Variants in ELMO3 observed in about 807,000 individuals in gnomAD.
ELMO3 encodes the protein engulfment and cell motility protein 3.
In ELMO3, 81 loss-of-function variants were observed where a neutral mutation model predicts 89.0. That is an observed-to-expected ratio of 0.91 (90% CI 0.76 to 1.09). ELMO3 has a LOEUF of 1.09. ELMO3 is among the 50% of genes least tolerant of loss of function. The probability of loss-of-function intolerance (pLI) is 0.00; values close to 1 mark genes in which losing one functional copy is unlikely to be tolerated. For synonymous variants in ELMO3, 406 were observed against 400.6 expected (o/e 1.01, Z -0.16); for missense variants, 959 against 972.8 (o/e 0.99, Z 0.19).
At position 67,199,316 on chromosome 16, in the gene ELMO3, C is replaced by T. The variant is rs749597514; in HGVS notation, c.-11C>T. ...TCCGGAAAGTGCAGGCGCCCACGTCCCAGCTGGACCATGGCGCCTCCGCGG... is the reference window on the plus strand; with the variant it reads ...TCCGGAAAGTGCAGGCGCCCACGTCTCAGCTGGACCATGGCGCCTCCGCGG... On this transcript the variant is annotated 5_prime_UTR_variant, in exon 1 of 20. Transcript: ENST00000393997. 5.0e-6 allele frequency: 8 copies of T among 1,612,208 alleles called. No individual in the cohort carries two copies. The African/African-American group carries it at 1.1e-4, about 22-fold the overall frequency.
rs375057170 is a variant in ELMO3, at chr16:67,202,275, G to A, written c.1252G>A (p.Gly418Arg). Residue 418 changes from glycine to arginine, a missense_variant, in exon 13 of 20, where the codon GGG becomes AGG. Transcript: ENST00000393997. ...GCTGCTGTGTGAGCTGCTCCGTGTT[G>A]GGGAGCCCTGTGAGTGGCCTGGACT... is the stretch of plus-strand genomic sequence containing the variant. ...TVLLCELLRV[G>R]EPCSETAQDF... The A allele has an allele frequency of 2.0e-5, 32 of 1,608,952 alleles. No individual in the cohort carries two copies. In the African/African-American group the frequency reaches 2.0e-4, roughly 10 times the overall value.
intron 10 of ELMO3, 31 bp from the exon 11 acceptor site, chr16:67,201,711 C>T: frequency 6.2e-7 from 1 of 1,607,698 alleles, no homozygotes. Context: ...TAATCTTGAT[C>T]CCCTCCCCCG....
rs181118068 is a variant in ELMO3 at position 67,203,176 on chromosome 16, T to C, written c.1733T>C (p.Met578Thr). 4 of 1,611,832 alleles carry C rather than the reference T, an allele frequency of 2.5e-6. No homozygotes were observed. Among genetic ancestry groups the C allele is most frequent in the Admixed American group, 1.7e-5 (1 of 59,956 alleles). Residue 578 changes from methionine to threonine, a missense_variant, in exon 17 of 20, where the codon ATG (methionine) becomes ACG (threonine). By Grantham distance (81) the Met-to-Thr change is moderately conservative. Transcript: ENST00000393997. The surrounding 1 kb of genome is among the most constrained non-coding windows in gnomAD (Gnocchi z 4.6). ...CACAAGCTGCTGCAGTACGGAGACA[T>C]GGAGGAGGGCGCCAGCCCGCCTACC... ...PNHKLLQYGD[M>T]EEGASPPTLE...
rs973161117 is a variant in ELMO3, at chr16:67,201,619, A to G, written c.895A>G (p.Thr299Ala). 1.9e-6 allele frequency: 3 copies of G among 1,613,058 alleles called. No individual in the cohort carries two copies. The highest frequency in any genetic ancestry group is 2.7e-5 in the African/African-American group (2 of 74,912). The stretch of plus-strand genomic sequence containing the variant: ...GGGGCTGCTGGAGCCGCGCATGCGG[A>G]CGCCCCTGGACCCCTACAGCCAGGT... ...MLGLLEPRMR[T>A]PLDPYSQEQR... Residue 299 changes from threonine to alanine, a missense_variant, in exon 10 of 20, where the codon ACG becomes GCG. Physicochemically the swap from Thr to Ala is moderately conservative, Grantham distance 58 (BLOSUM62 0). Coordinates refer to ENST00000393997, the MANE Select transcript of ELMO3 (RefSeq NM_024712.5).
At chr16:67,201,212 ATTTTTTTTT>A (rs753596419) in intron 8 of ELMO3, among the ~76,000 whole-genome samples, 164 bp from the exon 9 acceptor site, 2 of 94,262 alleles carry the variant, frequency 2.1e-5, no homozygotes, top group Non-Finnish European at 2.0e-5. Context: ...CGCCCAGCTG[ATTTTTTTTT>A]TTTTTTTTTT....
At chr16:67,199,811 T>C (rs2033056335) in intron 3 of ELMO3, 55 bp downstream of exon 3, 1 of 1,602,956 alleles carries the variant, frequency 6.2e-7, no homozygotes, top group Admixed American at 1.7e-5. Flanking sequence ...CTAACCCACC[T>C]GGCCCCGATA....
At position 67,201,549 on chromosome 16, in the gene ELMO3, C is replaced by A. The variant is rs569287419; in HGVS notation, c.825C>A (p.Gly275=). Residue 275 remains glycine, a synonymous_variant, in exon 10 of 20, where the codon GGC becomes GGA. Coordinates refer to ENST00000393997, the MANE Select transcript of ELMO3 (RefSeq NM_024712.5). ...TCATCCACAGTGCAGCACCAATGGG[C>A]GACGAGATGGCTCATCACCTGTACG... ...KNIIHSAAPM[G]DEMAHHLYVL... 1.2e-6 allele frequency: 2 copies of A among 1,614,068 alleles called. No homozygotes were observed. The highest frequency in any genetic ancestry group is 1.7e-6 in the Non-Finnish European group (2 of 1,180,028).
intron 13 of ELMO3, 24 bp from the exon 14 acceptor site, chr16:67,202,373 G>A: frequency 6.2e-7 from 1 of 1,613,672 alleles, no homozygotes; most frequent in Non-Finnish European, 8.5e-7. Flanking sequence ...TTCTCCCTGA[G>A]CCCCTCCTGC....
chr16:67,200,122 C>T (rs1192617965), intron 4 of ELMO3, 70 bp from the exon 5 acceptor site: 1 of 1,583,606 alleles, frequency 6.3e-7, no homozygotes, highest in African/African-American at 1.3e-5. Flanking sequence ...CGCCCGGGGC[C>T]GCACACTTCC....
chr16:67,199,676 C>A lies in ELMO3; in HGVS notation c.120-8C>A. 1 of 1,609,982 alleles carries A rather than the reference C, an allele frequency of 6.2e-7. No homozygotes were observed. Among genetic ancestry groups the A allele is most frequent in the Non-Finnish European group, 8.5e-7 (1 of 1,179,558 alleles). On this transcript the variant is annotated splice_region_variant and splice_polypyrimidine_tract_variant and intron_variant, in intron 2 of 19. Transcript: ENST00000393997. Reference sequence around the variant, plus strand: ...CCTGCCGGCCTCGCTGAGCCTCGTGCCCCTCAGGTGGAGCCTGACGCACTC... The same window carrying A: ...CCTGCCGGCCTCGCTGAGCCTCGTGACCCTCAGGTGGAGCCTGACGCACTC...
rs2033059955 is a variant in ELMO3 at position 67,199,968 on chromosome 16, G to C, written c.210G>C (p.Lys70Asn). ...TTCTCCAGAACCGCGCGGAGATCAA[G>C]AATGGCAGCATCCTGTGCCTCAGCA... ...YITENNRAEIKNGSILCLSTA... is the reference protein window; with the variant it reads ...YITENNRAEINNGSILCLSTA... The change falls in exon 4 of 20, where the codon AAG becomes AAC. Residue 70 changes from lysine (K) to asparagine (N), a missense_variant. Lys to Asn is a moderately conservative substitution (Grantham distance 94). Transcript: ENST00000393997. 1 of 1,613,906 alleles carries C rather than the reference G, an allele frequency of 6.2e-7. No homozygotes were observed. The highest frequency in any genetic ancestry group is 8.5e-7 in the Non-Finnish European group (1 of 1,180,032).
chr16:67,199,985 G>C lies in ELMO3; in HGVS notation c.227G>C (p.Cys76Ser), dbSNP rs1264330928. 1 of 1,613,796 alleles carries C rather than the reference G, an allele frequency of 6.2e-7. No individual in the cohort carries two copies. The highest frequency in any genetic ancestry group is 8.5e-7 in the Non-Finnish European group (1 of 1,180,034). The change falls in exon 4 of 20, where the codon TGC becomes TCC. Residue 76 changes from cysteine (C) to serine (S), a missense_variant. Physicochemically the swap from Cys to Ser is moderately radical, Grantham distance 112. Coordinates refer to ENST00000393997, the MANE Select transcript of ELMO3 (RefSeq NM_024712.5). ...GAGATCAAGAATGGCAGCATCCTGT[G>C]CCTCAGCACGGCCCCAGTAATGCCC... ...RAEIKNGSIL[C>S]LSTAPDLEAE...
Position 67,202,995 on chromosome 16 carries a change from C to A in ELMO3, c.1666C>A (p.Arg556=). 1 of 1,605,438 alleles carries A rather than the reference C, an allele frequency of 6.2e-7. No homozygotes were observed. The highest frequency in any genetic ancestry group is 8.5e-7 in the Non-Finnish European group (1 of 1,179,734). ...GCTCTTCCGCAAGATCAGCAGCCGG[C>A]GGCGCCAGGGTCTCTGAATGGGCAT... ...GTLFRKISSR[R]RQDKLWFCCL... Residue 556 remains arginine, a synonymous_variant, in exon 16 of 20, where the codon CGG becomes AGG. Coordinates refer to ENST00000393997, the MANE Select transcript of ELMO3 (RefSeq NM_024712.5).
rs1332696743 is a variant in ELMO3 at position 67,199,739 on chromosome 16, A to C, written c.175A>C (p.Arg59=). 1.2e-6 allele frequency: 2 copies of C among 1,611,172 alleles called. No individual in the cohort carries two copies. The highest frequency in any genetic ancestry group is 2.2e-5 in the South Asian group (2 of 90,916). ...YALQFADGHR[R]YITENNRAEI... The stretch of plus-strand genomic sequence containing the variant: ...CCTGCAGTTTGCGGATGGGCACCGG[A>C]GATACATCACCGAGAATGTGAGTCC... Residue 59 remains arginine, a synonymous_variant, in exon 3 of 20, where the codon AGA becomes CGA. Coordinates refer to ENST00000393997, the MANE Select transcript of ELMO3 (RefSeq NM_024712.5).
chr16:67,202,715 T>A lies in ELMO3; in HGVS notation c.1487T>A (p.Leu496His). ...LELFRTKVNA[L>H]TYGEVLRLRQ... ...CTCTTCCGAACCAAGGTGAATGCGC[T>A]CACTTATGGGGAGGTGCTGCGGCTG... Residue 496 changes from leucine (L) to histidine (H), a missense_variant, in exon 15 of 20, where the codon CTC becomes CAC. Coordinates refer to ENST00000393997, the MANE Select transcript of ELMO3 (RefSeq NM_024712.5). 6.2e-7 allele frequency: 1 copy of A among 1,613,578 alleles called. No homozygotes were observed.
In ELMO3 at chr16:67,200,453, T is replaced by A; in HGVS notation, c.416T>A (p.Leu139Gln). The A allele has an allele frequency of 6.2e-7, 1 of 1,612,960 alleles. No homozygotes were observed. Among genetic ancestry groups the A allele is most frequent in the Non-Finnish European group, 8.5e-7 (1 of 1,179,404 alleles). ...AGCCCCAGATGTCCCCCCTCCAGCC[T>A]AGGAGAGGTGCTGGCCCTCAGCCTG... is the stretch of plus-strand genomic sequence containing the variant. ...LGTIIEDGDD[L>Q]GEVLALSLRA... Residue 139 changes from leucine to glutamine, a missense_variant and splice_region_variant, in exon 6 of 20, where the codon CTA (leucine) becomes CAA (glutamine). Physicochemically the swap from Leu to Gln is moderately radical, Grantham distance 113 (BLOSUM62 -2). Transcript: ENST00000393997.
At position 67,201,419 on chromosome 16, in the gene ELMO3, G is replaced by A. The variant is rs369916018; in HGVS notation, c.779G>A (p.Arg260His). Residue 260 changes from arginine to histidine, a missense_variant, in exon 9 of 20, where the codon CGC (arginine) becomes CAC (histidine). Coordinates refer to ENST00000393997, the MANE Select transcript of ELMO3 (RefSeq NM_024712.5). ...MLDYLWQRNL[R>H]QFIYKNIIHS... ...GACTATCTTTGGCAGAGGAACCTTCGCCAGTTCATCTATAAGGTAGGAAGT... is the reference window on the plus strand; with the variant it reads ...GACTATCTTTGGCAGAGGAACCTTCACCAGTTCATCTATAAGGTAGGAAGT... The A allele has an allele frequency of 6.2e-6, 10 of 1,613,742 alleles. No homozygotes were observed. The highest frequency in any genetic ancestry group is 1.6e-4 in the Middle Eastern group (1 of 6,084).
At position 67,199,183 on chromosome 16, in the gene ELMO3, A is replaced by G. The variant is rs2033034305; in HGVS notation, c.-144A>G. ...GCCGCGTTGCATGGCCAGGAGCAGCAGTCTGGGCCGCGAGTGCGGGACACC... is the reference window on the plus strand; with the variant it reads ...GCCGCGTTGCATGGCCAGGAGCAGCGGTCTGGGCCGCGAGTGCGGGACACC... On this transcript the variant is annotated 5_prime_UTR_variant, in exon 1 of 20. Transcript: ENST00000393997. 1.2e-6 allele frequency: 2 copies of G among 1,610,718 alleles called. No homozygotes were observed. The highest frequency in any genetic ancestry group is 1.7e-6 in the Non-Finnish European group (2 of 1,179,648).
intron 1 of ELMO3, 34 bp downstream of exon 1, chr16:67,199,438 C>T: frequency 6.3e-7 from 1 of 1,599,500 alleles, no homozygotes; most frequent in Non-Finnish European, 8.5e-7. Flanking sequence ...ATCTGCCCCA[C>T]TGCCCCACCT....
Sources: allele counts gnomAD v4.1 joint callset (sites outside exome capture counted in the v4.1 genomes callset), GRCh38; gene constraint gnomAD v4.1.1; non-coding constraint Gnocchi (gnomAD v3.1); transcripts MANE v1.5; gene names NCBI Gene and HGNC (gene_info 2026-07-23, HGNC 2026-07-21).